AUTS2: variants seen among roughly 807,000 people sequenced by gnomAD.
AUTS2 encodes the protein activator of transcription and developmental regulator AUTS2, also known as autism susceptibility gene 2 protein.
Under a neutral mutation model 112.4 loss-of-function variants are expected in AUTS2, and 17 were observed. The observed-to-expected ratio is 0.15, with a 90% CI of 0.10 to 0.23. The LOEUF (loss-of-function observed/expected upper bound fraction) is 0.23, where lower values mean the gene tolerates loss of function less well. Among genes scored for constraint, AUTS2 ranks in the 10% least tolerant of loss-of-function variants. AUTS2 has a pLI of 1.00. For missense variants in AUTS2, 1,510 were observed against 1,701.6 expected, an observed-to-expected ratio of 0.89 and a Z score of 1.98; for synonymous variants, 751 against 702.7, an observed-to-expected ratio of 1.07 and a Z score of -1.09.
At chr7:70,149,674 G>A (rs189140047) in intron 4 of AUTS2, among the ~76,000 whole-genome samples, 1 of 151,946 alleles carries the variant, frequency 6.6e-6, no homozygotes, top group East Asian at 1.9e-4. Flanking sequence ...AAAGCAAAAC[G>A]ATGAAATTTT....
intron 5 of AUTS2, among the ~76,000 whole-genome samples, chr7:70,441,602 G>A (rs1438395568): frequency 6.6e-6 from 1 of 152,148 alleles, no homozygotes; most frequent in African/African-American, 2.4e-5. Flanking sequence ...GCCCACACTG[G>A]TCTCAAACTC....
chr7:70,075,913 A>T (rs1803004260), intron 2 of AUTS2, among the ~76,000 whole-genome samples: 1 of 152,244 alleles, frequency 6.6e-6, no homozygotes, highest in South Asian at 2.1e-4. Context: ...ACATAGCCAG[A>T]TAGTAAATAT....
intron 2 of AUTS2, among the ~76,000 whole-genome samples, chr7:70,004,293 T>C (rs1486789983): frequency 1.5e-5 from 2 of 136,256 alleles, no homozygotes; most frequent in East Asian, 4.0e-4. Context: ...TATATATGAA[T>C]ATATTATATG....
intron 1 of AUTS2, among the ~76,000 whole-genome samples, chr7:69,601,606 A>C (rs1485787867): frequency 6.6e-6 from 1 of 151,436 alleles, no homozygotes; most frequent in African/African-American, 2.4e-5. Flanking sequence ...TGTTGGTGGT[A>C]TTGGTGGTGG....
chr7:69,624,833 C>A (rs1037707181), intron 1 of AUTS2, among the ~76,000 whole-genome samples: 2 of 152,168 alleles, frequency 1.3e-5, no homozygotes, highest in African/African-American at 4.8e-5. Context: ...AATAAATATT[C>A]CTGTGTGCAC....
intron 1 of AUTS2, among the ~76,000 whole-genome samples, chr7:69,733,490 G>A (rs962733384): frequency 6.6e-6 from 1 of 152,158 alleles, no homozygotes; most frequent in African/African-American, 2.4e-5. Flanking sequence ...TTTGCAGGTG[G>A]TGACCCTGGT....
At chr7:70,302,631 C>G (rs1308160930) in intron 4 of AUTS2, among the ~76,000 whole-genome samples, 1 of 151,868 alleles carries the variant, frequency 6.6e-6, no homozygotes, top group Non-Finnish European at 1.5e-5. Flanking sequence ...CACCATTTAT[C>G]TAGTATAATT....
At chr7:69,791,713 A>G (rs551742222) in intron 1 of AUTS2, among the ~76,000 whole-genome samples, 1 of 152,354 alleles carries the variant, frequency 6.6e-6, no homozygotes, top group South Asian at 2.1e-4. Context: ...ATACTTACAC[A>G]TGACTATAGT....
chr7:70,777,241 G>A lies in AUTS2; in HGVS notation c.2004+67G>A, dbSNP rs1035679156. 23 of 1,410,440 alleles carry A rather than the reference G, an allele frequency of 1.6e-5. No individual in the cohort carries two copies. The African/African-American group carries it at 2.1e-4, about 13-fold the overall frequency. 87.4% of individuals were successfully genotyped at this position (1,410,440 alleles called of 1,614,324 possible). A position where few individuals can be genotyped will look rare whatever the true frequency, so the allele number is the denominator to read the frequency against. On this transcript the variant is annotated intron_variant, in intron 14 of 18. Coordinates refer to ENST00000342771, the MANE Select transcript of AUTS2 (RefSeq NM_015570.4). ...ATGTGAGTGTGTGACGTGCTCGGGA[G>A]AACCTGATGAAGGAGGCATTTAAAA...
chr7:70,112,018 A>G (rs926551400), intron 2 of AUTS2, among the ~76,000 whole-genome samples: 1 of 151,720 alleles, frequency 6.6e-6, no homozygotes, highest in Non-Finnish European at 1.5e-5. Flanking sequence ...TTTTACCTAT[A>G]CTTGCCTTTT....
chr7:69,824,668 T>C (rs1225890779), intron 1 of AUTS2: 3 of 152,088 alleles, frequency 2.0e-5, no homozygotes, highest in African/African-American at 4.8e-5. Context: ...GTGGACATTG[T>C]CACCTTTCCC....
chr7:70,104,921 G>A (rs1334402037), intron 2 of AUTS2, among the ~76,000 whole-genome samples: 2 of 152,046 alleles, frequency 1.3e-5, no homozygotes, highest in East Asian at 3.9e-4. Flanking sequence ...TTTAATAGTT[G>A]ATTTAAACTT....
At chr7:70,507,882 CAT>C (rs1491233387) in intron 5 of AUTS2, among the ~76,000 whole-genome samples, 6 of 152,196 alleles carry the variant, frequency 3.9e-5, no homozygotes, top group African/African-American at 7.2e-5. Flanking sequence ...TATGTGTACA[CAT>C]GTGTGTGTGC....
chr7:69,726,371 G>GT (rs562190315), intron 1 of AUTS2, among the ~76,000 whole-genome samples: 10 of 152,028 alleles, frequency 6.6e-5, no homozygotes, highest in African/African-American at 2.2e-4. Context: ...TTACATGTCA[G>GT]TTTTTTTTAA....
intron 2 of AUTS2, among the ~76,000 whole-genome samples, chr7:70,040,148 G>A (rs576277970): frequency 1.2e-4 from 19 of 152,194 alleles, no homozygotes; most frequent in African/African-American, 2.9e-4. Flanking sequence ...ATAATTTTAC[G>A]TACGACCAAA....
chr7:70,729,109 G>A, intron 6 of AUTS2: 1 of 455,392 alleles, frequency 2.2e-6, no homozygotes, highest in Non-Finnish European at 4.4e-6. Context: ...TTACAAAATG[G>A]GGCGAAAACG....
chr7:69,667,503 A>G (rs1208288387), intron 1 of AUTS2, among the ~76,000 whole-genome samples: 4 of 151,596 alleles, frequency 2.6e-5, no homozygotes. Context: ...TTACAGGTGC[A>G]CGCCACCACA....
chr7:69,723,751 G>A (rs1786358121), intron 1 of AUTS2, among the ~76,000 whole-genome samples: 1 of 152,304 alleles, frequency 6.6e-6, no homozygotes, highest in East Asian at 1.9e-4. Context: ...TGGTGGCAGA[G>A]TGCTAGAAAT....
chr7:70,435,673 G>A (rs1795863203), intron 4 of AUTS2, 79 bp from the exon 5 acceptor site: 14 of 1,404,478 alleles, frequency 1.0e-5, no homozygotes, highest in South Asian at 8.4e-5. Flanking sequence ...TTTTGTATGG[G>A]GGTTGGGGGA....
Sources: allele counts gnomAD v4.1 joint callset (sites outside exome capture counted in the v4.1 genomes callset), GRCh38; gene constraint gnomAD v4.1.1; transcripts MANE v1.5; gene names NCBI Gene and HGNC (gene_info 2026-07-23, HGNC 2026-07-21).